PTPN3: variants seen among roughly 807,000 people sequenced by gnomAD.
PTPN3 encodes the protein protein tyrosine phosphatase non-receptor type 3, also known as tyrosine-protein phosphatase non-receptor type 3.
Under a neutral mutation model 132.7 loss-of-function variants are expected in PTPN3, and 96 were observed. The ratio of observed to expected loss-of-function variants is 0.72; its 90% CI spans 0.61 to 0.86. The LOEUF (loss-of-function observed/expected upper bound fraction) is 0.86, where lower values mean the gene tolerates loss of function less well. Ranked by LOEUF, PTPN3 falls within the 40% of genes least tolerant of loss-of-function variation. The pLI is 0.00. For synonymous variants in PTPN3, 398 were observed against 429.0 expected, an observed-to-expected ratio of 0.93 and a Z score of 0.89; for missense variants, 1,125 against 1,159.6, an observed-to-expected ratio of 0.97 and a Z score of 0.43.
intron 22 of PTPN3, among the ~76,000 whole-genome samples, chr9:109,384,222 G>C (rs1262049224): frequency 1.3e-5 from 2 of 152,164 alleles, no homozygotes; most frequent in Non-Finnish European, 2.9e-5. Context: ...TGCTGTCATG[G>C]GTTACATACC....
At chr9:109,461,042 A>G (rs1845822883) in intron 2 of PTPN3, among the ~76,000 whole-genome samples, 1 of 152,238 alleles carries the variant, frequency 6.6e-6, no homozygotes, top group African/African-American at 2.4e-5. Flanking sequence ...GACACATACT[A>G]AACTATTAGT....
At chr9:109,437,655 A>G (rs1844152797) in intron 8 of PTPN3, among the ~76,000 whole-genome samples, 1 of 152,182 alleles carries the variant, frequency 6.6e-6, no homozygotes. Flanking sequence ...CAGAAGACTC[A>G]TGCTCCCCAC....
chr9:109,424,600 G>T (rs1843112319), intron 12 of PTPN3, among the ~76,000 whole-genome samples: 3 of 152,170 alleles, frequency 2.0e-5, no homozygotes, highest in Non-Finnish European at 4.4e-5. Context: ...CACCCTCCTG[G>T]AGTATCCAGA....
chr9:109,514,198 C>A, the PTPN3 span, among the ~76,000 whole-genome samples: 2 of 152,226 alleles, frequency 1.3e-5, no homozygotes, highest in Non-Finnish European at 2.9e-5. Context: ...GGGGCTCTTG[C>A]AAATAGCCTC....
At chr9:109,501,007 GA>G (rs1007041481), upstream of PTPN3, among the ~76,000 whole-genome samples, 1 of 151,898 alleles carries the variant, frequency 6.6e-6, no homozygotes, top group African/African-American at 2.4e-5. Context: ...AGACTGGAAG[GA>G]AATATGGGAA....
intron 14 of PTPN3, among the ~76,000 whole-genome samples, chr9:109,412,857 T>C (rs759519384): frequency 2.0e-5 from 3 of 152,160 alleles, no homozygotes; most frequent in African/African-American, 4.8e-5. Context: ...AACTAGCCCA[T>C]GGTACTAAAT....
intron 1 of PTPN3, among the ~76,000 whole-genome samples, chr9:109,496,523 G>A (rs1302039643): frequency 5.3e-5 from 8 of 152,186 alleles, no homozygotes. Flanking sequence ...GTCCTCATCT[G>A]TAAAATGGGA....
At chr9:109,460,244 C>T (rs1218175284) in intron 2 of PTPN3, among the ~76,000 whole-genome samples, 1 of 152,126 alleles carries the variant, frequency 6.6e-6, no homozygotes, top group Non-Finnish European at 1.5e-5. Flanking sequence ...ATTCCAAATC[C>T]CATCTATCAG....
intron 9 of PTPN3, 102 bp from the exon 10 acceptor site, chr9:109,433,263 G>A: frequency 1.4e-6 from 2 of 1,456,424 alleles, no homozygotes; most frequent in Non-Finnish European, 1.8e-6. Flanking sequence ...CATATGTATA[G>A]GCTCCAAATG....
chr9:109,486,700 T>G (rs1405048288), intron 1 of PTPN3, among the ~76,000 whole-genome samples: 1 of 152,128 alleles, frequency 6.6e-6, no homozygotes, highest in African/African-American at 2.4e-5. Flanking sequence ...TGCCCAGTGA[T>G]ATGGTTTGGT....
chr9:109,441,445 C>G (rs569490284), intron 7 of PTPN3, among the ~76,000 whole-genome samples: 1 of 152,180 alleles, frequency 6.6e-6, no homozygotes, highest in South Asian at 2.1e-4. Flanking sequence ...GGACGTTTTC[C>G]CAGATGCTCT....
At chr9:109,445,357 T>A in intron 6 of PTPN3, 65 bp from the exon 7 acceptor site, 1 of 1,374,304 alleles carries the variant, frequency 7.3e-7, no homozygotes. Context: ...CATTGACAGA[T>A]CATGCGTAGT....
chr9:109,465,838 G>C (rs1846079000), intron 1 of PTPN3, among the ~76,000 whole-genome samples: 1 of 151,960 alleles, frequency 6.6e-6, no homozygotes, highest in Admixed American at 6.6e-5. Context: ...CTGAGAGTAA[G>C]TTAACTTTTT....
intron 19 of PTPN3, among the ~76,000 whole-genome samples, chr9:109,404,166 G>C (rs144564424): frequency 1.3e-5 from 2 of 152,154 alleles, no homozygotes; most frequent in Admixed American, 1.3e-4. Context: ...TAGAATAAGA[G>C]GGTGAGACAG....
At chr9:109,414,237 C>T (rs941696509) in intron 14 of PTPN3, among the ~76,000 whole-genome samples, 7 of 152,258 alleles carry the variant, frequency 4.6e-5, no homozygotes, top group Admixed American at 3.9e-4. Context: ...TTAAATGGTT[C>T]TCATCTGCAA....
intron 1 of PTPN3, among the ~76,000 whole-genome samples, chr9:109,487,071 C>A (rs1366118965): frequency 6.6e-6 from 1 of 152,064 alleles, no homozygotes; most frequent in African/African-American, 2.4e-5. Flanking sequence ...ACTAATATAC[C>A]CAGAGATGAT....
chr9:109,510,949 C>A, the PTPN3 span, among the ~76,000 whole-genome samples: 1 of 151,996 alleles, frequency 6.6e-6, no homozygotes, highest in Non-Finnish European at 1.5e-5. Context: ...AAAACTTCTA[C>A]AACATATATG....
At chr9:109,421,039 T>C (rs987745774) in intron 13 of PTPN3, among the ~76,000 whole-genome samples, 2 of 152,222 alleles carry the variant, frequency 1.3e-5, no homozygotes, top group Admixed American at 6.5e-5. Flanking sequence ...ACTCCAACCT[T>C]ATTTCAACGA....
intron 5 of PTPN3, among the ~76,000 whole-genome samples, chr9:109,452,704 G>A (rs1845335721): frequency 6.6e-6 from 1 of 151,908 alleles, no homozygotes; most frequent in African/African-American, 2.4e-5. Flanking sequence ...GCTGACACAT[G>A]CACCACCACA....
Sources: allele counts gnomAD v4.1 joint callset (sites outside exome capture counted in the v4.1 genomes callset), GRCh38; gene constraint gnomAD v4.1.1; transcripts MANE v1.5; gene names NCBI Gene and HGNC (gene_info 2026-07-23, HGNC 2026-07-21).